CSMD1: variants seen among roughly 807,000 people sequenced by gnomAD.
CSMD1 encodes CUB and sushi domain-containing protein 1.
In CSMD1, 213 loss-of-function variants were observed where a neutral mutation model predicts 417.5. The observed-to-expected ratio is 0.51, with a 90% CI of 0.46 to 0.57. The LOEUF (loss-of-function observed/expected upper bound fraction) is 0.57, where lower values mean the gene tolerates loss of function less well. Among genes scored for constraint, CSMD1 ranks in the 20% least tolerant of loss-of-function variants. CSMD1 has a pLI of 0.00. For synonymous variants in CSMD1, 2,862 were observed against 1,736.8 expected (o/e 1.65, Z -16.11); for missense variants, 6,923 against 4,529.7 (o/e 1.53, Z -15.17).
intron 41 of CSMD1, among the ~76,000 whole-genome samples, chr8:3,125,195 A>C (rs966668904): frequency 8.5e-5 from 13 of 152,230 alleles, no homozygotes; most frequent in Non-Finnish European, 1.5e-5. Flanking sequence ...GAGTATGCTG[A>C]AGAATTTTGG....
At chr8:4,980,034 C>G (rs1026624287) in intron 1 of CSMD1, among the ~76,000 whole-genome samples, 3 of 151,978 alleles carry the variant, frequency 2.0e-5, no homozygotes, top group Non-Finnish European at 4.4e-5. Context: ...GAGACTCCAT[C>G]CCAAAAAATA....
At chr8:4,432,876 T>A (rs903415316) in intron 2 of CSMD1, among the ~76,000 whole-genome samples, 1 of 152,220 alleles carries the variant, frequency 6.6e-6, no homozygotes, top group Non-Finnish European at 1.5e-5. Context: ...GAGCCACGAA[T>A]GTGGCTGCCC....
chr8:3,008,748 CT>C (rs1216162132), intron 52 of CSMD1, among the ~76,000 whole-genome samples: 1 of 152,202 alleles, frequency 6.6e-6, no homozygotes, highest in African/African-American at 2.4e-5. Context: ...TTCTGCAACA[CT>C]TGCTTTTGCT....
At chr8:3,242,824 GGGGCGCAGATA>G (rs1397716173) in intron 26 of CSMD1, among the ~76,000 whole-genome samples, 1 of 87,642 alleles carries the variant, frequency 1.1e-5, no homozygotes, top group Non-Finnish European at 2.7e-5. Context: ...ATAAGGGGTT[GGGGCGCAGATA>G]TAAGAGGTCA....
chr8:3,652,271 C>T (rs13271502), intron 7 of CSMD1, among the ~76,000 whole-genome samples: 12 of 151,860 alleles, frequency 7.9e-5, no homozygotes, highest in East Asian at 3.9e-4. Context: ...ACCATCAGTG[C>T]GCTTACCACC....
At chr8:3,368,369 C>A (rs1809736532) in intron 19 of CSMD1, among the ~76,000 whole-genome samples, 1 of 152,160 alleles carries the variant, frequency 6.6e-6, no homozygotes, top group African/African-American at 2.4e-5. Flanking sequence ...TAGAGTCTCG[C>A]TCTATCTCCT....
chr8:3,535,125 T>C (rs942407617), intron 10 of CSMD1, among the ~76,000 whole-genome samples: 1 of 151,788 alleles, frequency 6.6e-6, no homozygotes, highest in Non-Finnish European at 1.5e-5. Context: ...ATTTTTTTTT[T>C]TTAATTTATA....
chr8:3,347,808 A>G (rs1808111764), intron 22 of CSMD1, among the ~76,000 whole-genome samples, 184 bp downstream of exon 22: 1 of 152,230 alleles, frequency 6.6e-6, no homozygotes, highest in African/African-American at 2.4e-5. Flanking sequence ...CAAAGTCCAC[A>G]TACACTGCTC....
At chr8:4,300,041 G>C (rs1230930186) in intron 3 of CSMD1, among the ~76,000 whole-genome samples, 1 of 152,200 alleles carries the variant, frequency 6.6e-6, no homozygotes, top group Non-Finnish European at 1.5e-5. Flanking sequence ...CACAAAGAGT[G>C]AGAGGAAGAA....
At chr8:4,873,757 C>A (rs957522639) in intron 1 of CSMD1, among the ~76,000 whole-genome samples, 3 of 151,984 alleles carry the variant, frequency 2.0e-5, no homozygotes, top group African/African-American at 7.3e-5. Flanking sequence ...ATATGTAGCA[C>A]CTATTTTATA....
At chr8:4,962,501 G>A (rs1045344747) in intron 1 of CSMD1, among the ~76,000 whole-genome samples, 4 of 152,104 alleles carry the variant, frequency 2.6e-5, no homozygotes, top group Admixed American at 2.0e-4. Context: ...ATGTCCCATC[G>A]TGCCCAGCCT....
At chr8:3,479,095 G>C (rs979029382) in intron 11 of CSMD1, among the ~76,000 whole-genome samples, 1 of 151,856 alleles carries the variant, frequency 6.6e-6, no homozygotes, top group Non-Finnish European at 1.5e-5. Flanking sequence ...GAGACTCCTT[G>C]GGCACTAAAG....
chr8:3,551,451 G>T lies in CSMD1; in HGVS notation c.1344+23494C>A, dbSNP rs75551975. On this transcript the variant is annotated intron_variant, in intron 10 of 69. Coordinates refer to ENST00000635120, the MANE Select transcript of CSMD1 (RefSeq NM_033225.6). ...ACTAATCTGCACACTGACAGCTAAG[G>T]AGAAAAGAACATATTTTACCAAATA... 8.4e-3 allele frequency among the ~76,000 whole-genome samples: 1,276 copies of T among 152,000 alleles called. 18 individuals are homozygous for T. The highest frequency in any genetic ancestry group is 0.029 in the African/African-American group (1,198 of 41,474).
intron 6 of CSMD1, among the ~76,000 whole-genome samples, chr8:3,732,110 C>A (rs1796302509): frequency 6.6e-6 from 1 of 152,128 alleles, no homozygotes; most frequent in South Asian, 2.1e-4. Flanking sequence ...GAAAGGAGGG[C>A]CTTGGAGGAG....
At chr8:4,930,921 G>T (rs1448838598) in intron 1 of CSMD1, among the ~76,000 whole-genome samples, 1 of 152,144 alleles carries the variant, frequency 6.6e-6, no homozygotes, top group Non-Finnish European at 1.5e-5. Context: ...TAACACAGTG[G>T]TTGACATTGT....
intron 15 of CSMD1, among the ~76,000 whole-genome samples, chr8:3,403,406 C>T (rs964386570): frequency 2.0e-5 from 3 of 152,200 alleles, no homozygotes; most frequent in Non-Finnish European, 4.4e-5. Flanking sequence ...CGGAGCGTCC[C>T]CTACCTTCTC....
At chr8:3,462,402 G>T (rs1453131805) in intron 12 of CSMD1, among the ~76,000 whole-genome samples, 2 of 152,182 alleles carry the variant, frequency 1.3e-5, no homozygotes, top group Non-Finnish European at 2.9e-5. Context: ...GAGGTGAGCA[G>T]CAGGCAACGG....
chr8:4,769,993 C>T (rs1563339818), intron 1 of CSMD1, among the ~76,000 whole-genome samples: 1 of 151,974 alleles, frequency 6.6e-6, no homozygotes, highest in African/African-American at 2.4e-5. Flanking sequence ...CTCTCTCTCC[C>T]TCCCTTTTTG....
intron 2 of CSMD1, among the ~76,000 whole-genome samples, chr8:4,479,241 G>A (rs1391276271): frequency 6.6e-6 from 1 of 152,060 alleles, no homozygotes; most frequent in Non-Finnish European, 1.5e-5. Flanking sequence ...TATTAATATT[G>A]CCAGCATATT....
Sources: allele counts gnomAD v4.1 joint callset (sites outside exome capture counted in the v4.1 genomes callset), GRCh38; gene constraint gnomAD v4.1.1; transcripts MANE v1.5; gene names NCBI Gene and HGNC (gene_info 2026-07-23, HGNC 2026-07-21).